TNRC18: variants seen among roughly 807,000 people sequenced by gnomAD.
TNRC18 encodes the protein trinucleotide repeat-containing gene 18 protein.
Under a neutral mutation model 226.7 loss-of-function variants are expected in TNRC18, and 69 were observed. The observed-to-expected ratio is 0.30, with a 90% CI of 0.25 to 0.37. The LOEUF (loss-of-function observed/expected upper bound fraction) is 0.37, where lower values mean the gene tolerates loss of function less well. TNRC18 is among the 10% of genes least tolerant of loss of function. TNRC18 has a pLI of 1.00. For synonymous variants in TNRC18, 2,449 were observed against 1,927.6 expected (o/e 1.27, Z -7.09); for missense variants, 4,754 against 4,256.6 (o/e 1.12, Z -3.25).
chr7:5,378,864 A>G (rs946697313), intron 5 of TNRC18, among the ~76,000 whole-genome samples: 3 of 150,674 alleles, frequency 2.0e-5, no homozygotes, highest in Non-Finnish European at 4.4e-5. Context: ...CCAACCACGC[A>G]GGCCTGTGTG....
At chr7:5,392,108 G>A (rs1170398651) in intron 3 of TNRC18, among the ~76,000 whole-genome samples, 4 of 152,088 alleles carry the variant, frequency 2.6e-5, no homozygotes, top group Non-Finnish European at 2.9e-5. Flanking sequence ...CAATAATCAT[G>A]CCATTGACAA....
At chr7:5,404,676 C>G (rs1251281829) in intron 2 of TNRC18, among the ~76,000 whole-genome samples, 1 of 152,086 alleles carries the variant, frequency 6.6e-6, no homozygotes, top group African/African-American at 2.4e-5. Context: ...GGCAGACCTA[C>G]TTACTGGGAT....
At chr7:5,314,153 G>A (rs1431182465) in intron 26 of TNRC18, among the ~76,000 whole-genome samples, 2 of 148,828 alleles carry the variant, frequency 1.3e-5, no homozygotes, top group Non-Finnish European at 3.0e-5. Context: ...TTTTTTTTTT[G>A]TAGAGATACA....
intron 18 of TNRC18, among the ~76,000 whole-genome samples, chr7:5,343,024 A>G (rs4724579): frequency 0.35 from 53,468 of 152,034 alleles, 10,652 homozygotes; most frequent in East Asian, 0.67. Context: ...TTGGCAATAC[A>G]CTATTTTTAA....
At chr7:5,418,409 G>A (rs1176779618) in intron 2 of TNRC18, among the ~76,000 whole-genome samples, 2 of 152,200 alleles carry the variant, frequency 1.3e-5, no homozygotes, top group African/African-American at 2.4e-5. Flanking sequence ...AGCTCTTCCA[G>A]AGGACCTTCC....
rs1790025345 is a variant in TNRC18 at position 5,335,637 on chromosome 7, A to C, written c.5720-2588T>G. Among the ~76,000 whole-genome samples, 7 of 150,428 alleles carry C rather than the reference A, an allele frequency of 4.7e-5. 1 individual carries two copies. In the South Asian group the frequency reaches 1.3e-3, roughly 27 times the overall value. The stretch of plus-strand genomic sequence containing the variant: ...AAAAAAAAAAATTAGAAAGGGAGCC[A>C]GAGAGAGGTCCCCATGCTCTCTCTC... On this transcript the variant is annotated intron_variant, in intron 18 of 29. Transcript: ENST00000430969.
chr7:5,414,553 C>T (rs912394501), intron 2 of TNRC18, among the ~76,000 whole-genome samples: 3 of 152,026 alleles, frequency 2.0e-5, no homozygotes, highest in Non-Finnish European at 4.4e-5. Context: ...GCTGGGACTG[C>T]AGGCACCCGC....
chr7:5,367,374 TA>T (rs1793718189), intron 11 of TNRC18, among the ~76,000 whole-genome samples: 1 of 150,984 alleles, frequency 6.6e-6, no homozygotes, highest in Non-Finnish European at 1.5e-5. Flanking sequence ...CAGAAATAAT[TA>T]AAAACAAAAA....
chr7:5,373,588 A>C (rs1407759220), intron 10 of TNRC18, among the ~76,000 whole-genome samples: 1 of 152,154 alleles, frequency 6.6e-6, no homozygotes, highest in African/African-American at 2.4e-5. Flanking sequence ...GATACCCCCC[A>C]GGGAGGAAGA....
At chr7:5,372,428 G>A (rs1307655770) in intron 10 of TNRC18, among the ~76,000 whole-genome samples, 1 of 149,198 alleles carries the variant, frequency 6.7e-6, no homozygotes, top group African/African-American at 2.5e-5. Flanking sequence ...TCACCATGTT[G>A]GTCAGGCCAG....
chr7:5,391,186 G>A (rs1051097637), intron 3 of TNRC18, among the ~76,000 whole-genome samples: 2 of 152,112 alleles, frequency 1.3e-5, no homozygotes, highest in Non-Finnish European at 2.9e-5. Context: ...TTCAGCTGCT[G>A]GGTCTCCCAG....
chr7:5,410,020 C>T (rs931112458), intron 2 of TNRC18, among the ~76,000 whole-genome samples: 1 of 148,306 alleles, frequency 6.7e-6, no homozygotes, highest in East Asian at 2.0e-4. Context: ...TTTTTAAATT[C>T]AATGATCAGA....
chr7:5,348,278 G>A (rs1562526003), intron 17 of TNRC18, among the ~76,000 whole-genome samples: 1 of 152,214 alleles, frequency 6.6e-6, no homozygotes, highest in Non-Finnish European at 1.5e-5. Flanking sequence ...GCAGGTGACA[G>A]GGGTGCCCAT....
chr7:5,308,092 A>AGGGCCCGGCGGGCTCAGCAGAGCAC lies in TNRC18; in HGVS notation c.8896_*13dup. On this transcript the variant is annotated 3_prime_UTR_variant, in exon 30 of 30. Transcript: ENST00000430969. ...CGCCCTCGGGGCACAGGTGGCCCGC[A>AGGGCCCGGCGGGCTCAGCAGAGCAC]GGGCCCGGCGGGCTCAGCAGAGCAC... is the stretch of plus-strand genomic sequence containing the variant. The AGGGCCCGGCGGGCTCAGCAGAGCAC allele has an allele frequency of 6.5e-7, 1 of 1,544,056 alleles. No individual in the cohort carries two copies. Among genetic ancestry groups the AGGGCCCGGCGGGCTCAGCAGAGCAC allele is most frequent in the South Asian group, 1.2e-5 (1 of 83,852 alleles).
rs567673113 is a variant in TNRC18, at chr7:5,371,797, G to A, written c.3230-433C>T. On this transcript the variant is annotated intron_variant, in intron 10 of 29. Coordinates refer to ENST00000430969, the MANE Select transcript of TNRC18 (RefSeq NM_001080495.3). ...TCAAAATCTAACAGCAGAGCCAGGCGTGGTGGGCCACGCCTGTAATCCCAG... is the reference window on the plus strand; with the variant it reads ...TCAAAATCTAACAGCAGAGCCAGGCATGGTGGGCCACGCCTGTAATCCCAG... Among the ~76,000 whole-genome samples, 12 of 151,684 alleles carry A rather than the reference G, an allele frequency of 7.9e-5. No homozygotes were observed. The East Asian group carries it at 1.5e-3, about 19-fold the overall frequency.
At chr7:5,367,868 G>A (rs1562559726) in intron 11 of TNRC18, among the ~76,000 whole-genome samples, 1 of 152,144 alleles carries the variant, frequency 6.6e-6, no homozygotes, top group Non-Finnish European at 1.5e-5. Flanking sequence ...ACAGGCCAAT[G>A]GCAGCGTGGC....
intron 11 of TNRC18, 27 bp from the exon 12 acceptor site, chr7:5,362,852 C>T (rs1371755482): frequency 1.4e-6 from 2 of 1,476,910 alleles, no homozygotes; most frequent in East Asian, 2.5e-5. Context: ...GGTAACAGGG[C>T]GCTGCTGCCA....
chr7:5,349,516 G>A (rs752821951), intron 17 of TNRC18, among the ~76,000 whole-genome samples: 11 of 152,332 alleles, frequency 7.2e-5, no homozygotes, highest in Admixed American at 4.6e-4. Context: ...ATGTCAGAGC[G>A]ATCTGCTGCT....
At chr7:5,380,250 A>T (rs553283316) in intron 5 of TNRC18, among the ~76,000 whole-genome samples, 7 of 152,134 alleles carry the variant, frequency 4.6e-5, no homozygotes, top group Non-Finnish European at 1.0e-4. Context: ...GTTTGAGACC[A>T]ATCTGGGCAA....
Sources: gnomAD v4.1 joint callset for allele counts (sites outside exome capture counted in the v4.1 genomes callset) on GRCh38, gnomAD v4.1.1 for gene constraint, MANE v1.5 for transcripts, NCBI Gene and HGNC (gene_info 2026-07-23, HGNC 2026-07-21) for gene names.